The following LAMB4 variants were observed in gnomAD, a reference collection of about 807,000 sequenced individuals.
LAMB4 encodes the protein laminin subunit beta 4.
In LAMB4, 196 loss-of-function variants were observed where a neutral mutation model predicts 199.2. The ratio of observed to expected loss-of-function variants is 0.98; its 90% confidence interval spans 0.88 to 1.11. The LOEUF (loss-of-function observed/expected upper bound fraction) is 1.11. Ranked by LOEUF, LAMB4 falls within the 50% of genes least tolerant of loss-of-function variation. LAMB4 has a pLI of 0.00. For synonymous variants in LAMB4, 744 were observed against 770.6 expected, an observed-to-expected ratio of 0.97 and a Z score of 0.57; for missense variants, 2,080 against 2,171.2, an observed-to-expected ratio of 0.96 and a Z score of 0.83.
intron 17 of LAMB4, among the ~76,000 whole-genome samples, chr7:108,074,778 A>AT (rs1470153867): frequency 1.3e-5 from 2 of 152,144 alleles, no homozygotes; most frequent in Non-Finnish European, 2.9e-5. Context: ...GCTGAGAATT[A>AT]TTTTTTAATA....
intron 4 of LAMB4, among the ~76,000 whole-genome samples, chr7:108,109,958 A>G (rs2038161314): frequency 6.6e-6 from 1 of 152,238 alleles, no homozygotes; most frequent in Non-Finnish European, 1.5e-5. Flanking sequence ...AGGTAAAAAG[A>G]AACAGGTAAA....
intron 1 of LAMB4, among the ~76,000 whole-genome samples, chr7:108,129,133 T>C (rs1442368801): frequency 6.6e-6 from 1 of 152,230 alleles, no homozygotes; most frequent in Non-Finnish European, 1.5e-5. Context: ...GCAAAGAGTT[T>C]ACTCTTTTTT....
At chr7:108,117,627 C>A (rs190003859) in intron 2 of LAMB4, among the ~76,000 whole-genome samples, 3 of 151,968 alleles carry the variant, frequency 2.0e-5, no homozygotes, top group Non-Finnish European at 2.9e-5. Flanking sequence ...GAATTCAGGG[C>A]GAGTCCATAC....
chr7:108,076,844 C>G, intron 17 of LAMB4, 100 bp downstream of exon 17: 2 of 1,342,860 alleles, frequency 1.5e-6, no homozygotes, highest in Non-Finnish European at 2.1e-6. Flanking sequence ...TGAGCAAATA[C>G]GTTTACATTT....
rs1212842307 is a variant in LAMB4 at position 108,076,943 on chromosome 7, C to T, written c.2124+1G>A. On this transcript the variant is annotated splice_donor_variant, in intron 17 of 33. Coordinates refer to ENST00000388781, the MANE Select transcript of LAMB4 (RefSeq NM_007356.3). LOFTEE classifies it high-confidence loss of function. The stretch of plus-strand genomic sequence containing the variant: ...CACCCACAAAACTCTGTGATACTTA[C>T]AGAGTCCACCAGGACATGTGAATGA... 2.5e-6 allele frequency: 4 copies of T among 1,613,970 alleles called. No homozygotes were observed. The highest frequency in any genetic ancestry group is 1.3e-5 in the African/African-American group (1 of 75,044).
At chr7:108,052,992 G>T (rs76633647) in intron 25 of LAMB4, among the ~76,000 whole-genome samples, 1 of 152,152 alleles carries the variant, frequency 6.6e-6, no homozygotes, top group African/African-American at 2.4e-5. Flanking sequence ...CAATGGCAAT[G>T]CTTCCTTCCA....
intron 4 of LAMB4, among the ~76,000 whole-genome samples, chr7:108,109,552 AAG>A: frequency 6.6e-6 from 1 of 152,318 alleles, no homozygotes; most frequent in South Asian, 2.1e-4. Context: ...GAAAGAGAGA[AAG>A]AGAGGGTTCA....
chr7:108,072,725 T>C (rs2036575267), intron 17 of LAMB4, among the ~76,000 whole-genome samples: 1 of 152,186 alleles, frequency 6.6e-6, no homozygotes, highest in Non-Finnish European at 1.5e-5. Flanking sequence ...TTTACACCTA[T>C]GCCTACCACA....
chr7:108,113,917 CTT>C (rs138397556), intron 3 of LAMB4, among the ~76,000 whole-genome samples: 1,700 of 152,330 alleles, frequency 0.011, 29 homozygotes, highest in African/African-American at 0.039. Flanking sequence ...CTATAATACA[CTT>C]TGTCAGCCTG....
At chr7:108,043,540 AT>A in intron 29 of LAMB4, among the ~76,000 whole-genome samples, 3 of 70,786 alleles carry the variant, frequency 4.2e-5, no homozygotes, top group African/African-American at 1.1e-4. Context: ...GGAACTGGCT[AT>A]GATGTTTTTT....
At chr7:108,112,790 G>A (rs2038277523) in intron 3 of LAMB4, among the ~76,000 whole-genome samples, 1 of 152,198 alleles carries the variant, frequency 6.6e-6, no homozygotes, top group Admixed American at 6.5e-5. Context: ...AAGCTTCTGG[G>A]AAGCGGGGGC....
intron 18 of LAMB4, 98 bp downstream of exon 18, chr7:108,069,610 T>C: frequency 9.0e-7 from 1 of 1,115,222 alleles, no homozygotes; most frequent in Non-Finnish European, 1.3e-6. Flanking sequence ...GGTATTTTGG[T>C]TGTTGTTTGG....
chr7:108,011,896 C>T, the LAMB4 span, among the ~76,000 whole-genome samples: 5 of 151,024 alleles, frequency 3.3e-5, no homozygotes, highest in East Asian at 7.7e-4. Context: ...TATATAAACA[C>T]ATATGAATAA....
Position 108,107,839 on chromosome 7 carries a change from G to T in LAMB4, c.403-20C>A, listed in dbSNP as rs1271380700. On this transcript the variant is annotated intron_variant, in intron 5 of 33. Transcript: ENST00000388781. ...AAAAGTCTAGGAAAAATGAGTAAAA[G>T]TTGGCACATTTCACAAAGGCAGATT... The T allele has an allele frequency of 3.2e-6, 5 of 1,543,588 alleles. No homozygotes were observed. Among genetic ancestry groups the T allele is most frequent in the South Asian group, 2.4e-5 (2 of 81,794 alleles).
chr7:108,129,309 A>G (rs2038901404), intron 1 of LAMB4, among the ~76,000 whole-genome samples: 1 of 152,234 alleles, frequency 6.6e-6, no homozygotes, highest in South Asian at 2.1e-4. Flanking sequence ...TGCAAATTGG[A>G]CAGTAATTTA....
chr7:108,015,460 A>G, the LAMB4 span, among the ~76,000 whole-genome samples: 3 of 152,214 alleles, frequency 2.0e-5, no homozygotes, highest in Admixed American at 1.3e-4. Flanking sequence ...ACTAAGATTC[A>G]AGAGAAAATT....
At chr7:108,080,613 C>T (rs2036894026) in intron 14 of LAMB4, among the ~76,000 whole-genome samples, 1 of 152,120 alleles carries the variant, frequency 6.6e-6, no homozygotes, top group African/African-American at 2.4e-5. Context: ...CCAAACTGCC[C>T]TTCATTTGAT....
chr7:108,126,616 C>CT (rs2038795011), intron 1 of LAMB4, among the ~76,000 whole-genome samples: 1 of 117,264 alleles, frequency 8.5e-6, no homozygotes, highest in Non-Finnish European at 1.6e-5. Context: ...GGACTGCGGA[C>CT]TGCAGTGGCG....
At chr7:108,070,812 C>A (rs1002894884) in intron 17 of LAMB4, among the ~76,000 whole-genome samples, 4 of 152,058 alleles carry the variant, frequency 2.6e-5, no homozygotes, top group African/African-American at 9.7e-5. Flanking sequence ...CCCCTAACCC[C>A]CAAATTGTTC....
Sources: allele counts gnomAD v4.1 joint callset (sites outside exome capture counted in the v4.1 genomes callset), GRCh38; gene constraint gnomAD v4.1.1; transcripts MANE v1.5; gene names NCBI Gene and HGNC (gene_info 2026-07-23, HGNC 2026-07-21).